The following GNA12 variants were observed in gnomAD, a reference collection of about 807,000 sequenced individuals.
GNA12 encodes G protein subunit alpha 12.
Under a neutral mutation model 26.0 loss-of-function variants are expected in GNA12, and 9 were observed. That is an observed-to-expected ratio of 0.35 (90% CI 0.21 to 0.60). The LOEUF (loss-of-function observed/expected upper bound fraction) is 0.60, where lower values mean the gene tolerates loss of function less well. Ranked by LOEUF, GNA12 falls within the 20% of genes least tolerant of loss-of-function variation. The probability of loss-of-function intolerance (pLI) is 0.78; values close to 1 mark genes in which losing one functional copy is unlikely to be tolerated. For synonymous variants in GNA12, 264 were observed against 219.6 expected (o/e 1.20, Z -1.79); for missense variants, 405 against 525.8 (o/e 0.77, Z 2.25).
chr7:2,760,243 C>G (rs1488756038), intron 2 of GNA12: 1 of 152,434 alleles, frequency 6.6e-6, no homozygotes, highest in East Asian at 1.9e-4. Context: ...AGGGCACACC[C>G]CAGCACGAGC....
intron 1 of GNA12, among the ~76,000 whole-genome samples, chr7:2,806,071 GTTCT>G (rs538220120): frequency 7.1e-4 from 108 of 152,206 alleles, no homozygotes; most frequent in African/African-American, 2.3e-3. Context: ...TTTTTCTTTC[GTTCT>G]TTCTCCTTAA....
At chr7:2,773,977 C>T (rs933411402) in intron 2 of GNA12, among the ~76,000 whole-genome samples, 2 of 152,204 alleles carry the variant, frequency 1.3e-5, no homozygotes, top group African/African-American at 2.4e-5. Flanking sequence ...CCGCACAAAA[C>T]GAAATGGCGA....
intron 1 of GNA12, among the ~76,000 whole-genome samples, chr7:2,836,206 A>C (rs1172241473): frequency 6.6e-6 from 1 of 152,242 alleles, no homozygotes; most frequent in Non-Finnish European, 1.5e-5. Flanking sequence ...TCTAACAGAA[A>C]TCCTATGTGC....
intron 2 of GNA12, 100 bp downstream of exon 2, chr7:2,794,828 G>T: frequency 1.2e-6 from 1 of 842,736 alleles, no homozygotes; most frequent in Non-Finnish European, 2.0e-6. Flanking sequence ...GAGCTTGCTT[G>T]GACTGTTACA....
chr7:2,797,522 G>A (rs1370861550), intron 1 of GNA12, among the ~76,000 whole-genome samples: 1 of 151,260 alleles, frequency 6.6e-6, no homozygotes, highest in Admixed American at 6.6e-5. Flanking sequence ...AATTTGAAGT[G>A]TACAACTTAA....
At chr7:2,777,628 A>G (rs1362313944) in intron 2 of GNA12, among the ~76,000 whole-genome samples, 1 of 152,176 alleles carries the variant, frequency 6.6e-6, no homozygotes, top group Non-Finnish European at 1.5e-5. Flanking sequence ...CCATGTGAGG[A>G]AGCAGCAGGA....
chr7:2,843,329 C>A (rs760601053), intron 1 of GNA12, among the ~76,000 whole-genome samples: 1 of 152,116 alleles, frequency 6.6e-6, no homozygotes, highest in East Asian at 1.9e-4. Flanking sequence ...CCCACTCCCA[C>A]GGTCCCCAGG....
chr7:2,764,062 T>C (rs1484967446), intron 2 of GNA12, among the ~76,000 whole-genome samples: 2 of 152,004 alleles, frequency 1.3e-5, no homozygotes, highest in Non-Finnish European at 2.9e-5. Flanking sequence ...CTCTGATTGG[T>C]TGAGTATTTT....
chr7:2,842,580 G>C (rs1364370542), intron 1 of GNA12, among the ~76,000 whole-genome samples: 2 of 152,134 alleles, frequency 1.3e-5, no homozygotes, highest in Non-Finnish European at 2.9e-5. Flanking sequence ...TTACAGGCAC[G>C]AGCCATCACA....
At chr7:2,748,107 G>T (rs1198020084) in intron 2 of GNA12, among the ~76,000 whole-genome samples, 1 of 150,876 alleles carries the variant, frequency 6.6e-6, no homozygotes, top group East Asian at 1.9e-4. Context: ...TAGATTCAAT[G>T]CCATCCCCAT....
chr7:2,790,701 G>A (rs1413981481), intron 2 of GNA12, among the ~76,000 whole-genome samples: 1 of 152,208 alleles, frequency 6.6e-6, no homozygotes, highest in African/African-American at 2.4e-5. Context: ...GGGCCTGGTG[G>A]TATGCACCTG....
At chr7:2,837,398 G>A (rs762840308) in intron 1 of GNA12, among the ~76,000 whole-genome samples, 1 of 152,138 alleles carries the variant, frequency 6.6e-6, no homozygotes, top group Non-Finnish European at 1.5e-5. Context: ...AGAAGGAGAT[G>A]AGAGAGAGGG....
chr7:2,828,379 T>A (rs1409883085), intron 1 of GNA12, among the ~76,000 whole-genome samples: 1 of 152,236 alleles, frequency 6.6e-6, no homozygotes, highest in Middle Eastern at 3.2e-3. Context: ...AGACAGGGTC[T>A]CACTCTGTCA....
chr7:2,762,692 C>T (rs1791619555), intron 2 of GNA12: 1 of 1,579,678 alleles, frequency 6.3e-7, no homozygotes, highest in East Asian at 2.3e-5. Flanking sequence ...AACCACGCTG[C>T]CCGGGTGGAG....
At chr7:2,797,444 C>CTT (rs199915733) in intron 1 of GNA12, among the ~76,000 whole-genome samples, 1 of 143,978 alleles carries the variant, frequency 6.9e-6, no homozygotes, top group East Asian at 2.0e-4. Context: ...TGCATCCGGC[C>CTT]TTTTTTTTTT....
At chr7:2,835,620 G>C in intron 1 of GNA12, 1 of 734,886 alleles carries the variant, frequency 1.4e-6, no homozygotes, top group African/African-American at 1.8e-5. Flanking sequence ...CCAGTCCCGA[G>C]ATGGTGGCCA....
At chr7:2,787,715 G>A (rs1038930276) in intron 2 of GNA12, among the ~76,000 whole-genome samples, 5 of 152,266 alleles carry the variant, frequency 3.3e-5, no homozygotes, top group African/African-American at 7.2e-5. Flanking sequence ...GCATCGGGAA[G>A]GGGGAGAGGC....
intron 2 of GNA12, among the ~76,000 whole-genome samples, chr7:2,745,379 A>C (rs892141858): frequency 6.6e-5 from 10 of 152,246 alleles, no homozygotes; most frequent in Non-Finnish European, 1.0e-4. Context: ...ATTCTTAAAG[A>C]AAATAATTTT....
chr7:2,799,589 T>C (rs1426348010), intron 1 of GNA12, among the ~76,000 whole-genome samples: 1 of 151,710 alleles, frequency 6.6e-6, no homozygotes, highest in Non-Finnish European at 1.5e-5. Flanking sequence ...GATACATACA[T>C]ACATACTCAA....
Sources: gnomAD v4.1 joint callset for allele counts (sites outside exome capture counted in the v4.1 genomes callset) on GRCh38, gnomAD v4.1.1 for gene constraint, MANE v1.5 for transcripts, NCBI Gene and HGNC (gene_info 2026-07-23, HGNC 2026-07-21) for gene names.